MAGI2: variants seen among roughly 807,000 people sequenced by gnomAD.
MAGI2 encodes membrane associated guanylate kinase, WW and PDZ domain containing 2, also known as membrane-associated guanylate kinase, WW and PDZ domain-containing protein 2.
A neutral mutation model predicts 133.3 loss-of-function variants in MAGI2; 35 were observed. That is an observed-to-expected ratio of 0.26 (90% CI 0.20 to 0.35). The LOEUF (loss-of-function observed/expected upper bound fraction) is 0.35. Ranked by LOEUF, MAGI2 falls within the 10% of genes least tolerant of loss-of-function variation. MAGI2 has a pLI of 1.00. For missense variants in MAGI2, 1,636 were observed against 1,863.4 expected (o/e 0.88, Z 2.25); for synonymous variants, 729 against 710.6 (o/e 1.03, Z -0.41).
chr7:78,868,200 T>A (rs573851105), intron 2 of MAGI2, among the ~76,000 whole-genome samples: 1 of 151,424 alleles, frequency 6.6e-6, no homozygotes, highest in East Asian at 1.9e-4. Flanking sequence ...CATACTTAAT[T>A]AAGAATGAGT....
At chr7:78,996,618 T>C (rs960880924) in intron 2 of MAGI2, among the ~76,000 whole-genome samples, 3 of 152,140 alleles carry the variant, frequency 2.0e-5, no homozygotes, top group Non-Finnish European at 2.9e-5. Flanking sequence ...TGATACAAGT[T>C]TACTTATGTA....
At chr7:78,730,675 T>C (rs1158578749) in intron 2 of MAGI2, among the ~76,000 whole-genome samples, 1 of 152,168 alleles carries the variant, frequency 6.6e-6, no homozygotes, top group East Asian at 1.9e-4. Context: ...TAGAGTTGAC[T>C]TTTAAGGCAA....
At chr7:78,031,126 T>G (rs1488078918) in intron 21 of MAGI2, among the ~76,000 whole-genome samples, 1 of 152,214 alleles carries the variant, frequency 6.6e-6, no homozygotes, top group Non-Finnish European at 1.5e-5. Flanking sequence ...TGACATACTG[T>G]GTGATTCCAT....
intron 2 of MAGI2, among the ~76,000 whole-genome samples, chr7:78,929,266 C>T (rs956714514): frequency 6.6e-6 from 1 of 151,906 alleles, no homozygotes; most frequent in Non-Finnish European, 1.5e-5. Flanking sequence ...ACTTTTAAAC[C>T]TTGAATTTAA....
chr7:78,996,369 C>A (rs538274596), intron 2 of MAGI2, among the ~76,000 whole-genome samples: 7 of 152,204 alleles, frequency 4.6e-5, no homozygotes, highest in South Asian at 4.1e-4. Context: ...CTGAGATATA[C>A]CTTGATGTTT....
intron 2 of MAGI2, among the ~76,000 whole-genome samples, chr7:78,866,538 G>C (rs1304055550): frequency 6.6e-6 from 1 of 151,916 alleles, no homozygotes; most frequent in Non-Finnish European, 1.5e-5. Context: ...ACACTAGTTT[G>C]TGAGTCCCAG....
At chr7:78,691,381 A>C (rs983601971) in intron 2 of MAGI2, among the ~76,000 whole-genome samples, 3 of 152,196 alleles carry the variant, frequency 2.0e-5, no homozygotes, top group African/African-American at 7.2e-5. Flanking sequence ...TCTGGCATGC[A>C]GTGGACATCT....
intron 3 of MAGI2, among the ~76,000 whole-genome samples, chr7:78,626,605 G>A (rs572805878): frequency 5.3e-5 from 8 of 152,226 alleles, no homozygotes; most frequent in African/African-American, 1.9e-4. Flanking sequence ...TTGTGGTAGA[G>A]CTTTGGAGTT....
At chr7:78,462,979 G>A (rs914457599) in intron 6 of MAGI2, among the ~76,000 whole-genome samples, 1 of 152,218 alleles carries the variant, frequency 6.6e-6, no homozygotes, top group African/African-American at 2.4e-5. Context: ...GAAACAGGTG[G>A]ATTTAAAACC....
intron 16 of MAGI2, 73 bp downstream of exon 16, chr7:78,159,952 T>C (rs1322928355): frequency 6.7e-7 from 1 of 1,491,226 alleles, no homozygotes; most frequent in Non-Finnish European, 8.9e-7. Context: ...GATATACTTG[T>C]CCGGTATCTG....
chr7:79,007,153 C>G lies in MAGI2; in HGVS notation c.355G>C (p.Gly119Arg). The change falls in exon 2 of 22, where the codon GGT becomes CGT. Residue 119 changes from glycine to arginine, a missense_variant. Gly to Arg is a moderately radical substitution (Grantham distance 125). Coordinates refer to ENST00000354212, the MANE Select transcript of MAGI2 (RefSeq NM_012301.4). ...RHYLNLRFQK[G>R]SVDHELQQII... ...TGCTGAAGCTCATGGTCCACAGAAC[C>G]CTTTTGAAATCGTAAGTTGAGGTAG... 1.2e-6 allele frequency: 2 copies of G among 1,613,444 alleles called. No homozygotes were observed. Among genetic ancestry groups the G allele is most frequent in the Non-Finnish European group, 1.7e-6 (2 of 1,179,686 alleles).
At chr7:79,093,621 T>C (rs1254292171) in intron 1 of MAGI2, among the ~76,000 whole-genome samples, 2 of 152,096 alleles carry the variant, frequency 1.3e-5, no homozygotes, top group Non-Finnish European at 2.9e-5. Flanking sequence ...TCAACTTCCA[T>C]GGCTGATAAG....
chr7:78,952,682 C>A lies in MAGI2; in HGVS notation c.418+54408G>T, dbSNP rs541670769. 9.2e-5 allele frequency among the ~76,000 whole-genome samples: 14 copies of A among 152,276 alleles called. No individual in the cohort carries two copies. The South Asian group carries it at 2.5e-3, about 27-fold the overall frequency. ...AAAAGACTCATGAAATTGCTTTTGG[C>A]AAATCCTTCAGCTACCTAGAAAATT... On this transcript the variant is annotated intron_variant, in intron 2 of 21. Transcript: ENST00000354212.
intron 1 of MAGI2, among the ~76,000 whole-genome samples, chr7:79,347,155 G>A (rs1286094586): frequency 4.6e-5 from 7 of 151,868 alleles, no homozygotes; most frequent in Non-Finnish European, 1.0e-4. Flanking sequence ...ATTTTACAAG[G>A]AGCCTGTTCC....
chr7:79,402,546 A>T (rs1052915625), intron 1 of MAGI2, among the ~76,000 whole-genome samples: 2 of 152,240 alleles, frequency 1.3e-5, no homozygotes, highest in African/African-American at 4.8e-5. Flanking sequence ...TCAATGTCAC[A>T]CAGCCATTGG....
intron 2 of MAGI2, among the ~76,000 whole-genome samples, chr7:78,637,061 A>G (rs1809742169): frequency 6.6e-6 from 1 of 152,180 alleles, no homozygotes; most frequent in Admixed American, 6.5e-5. Context: ...CCCAAAATAA[A>G]AACAGTGTTA....
intron 1 of MAGI2, among the ~76,000 whole-genome samples, chr7:79,331,736 A>G (rs889124303): frequency 6.5e-4 from 99 of 152,282 alleles, no homozygotes; most frequent in African/African-American, 2.3e-3. Flanking sequence ...CGTTTTCTTC[A>G]GTATTCTCCT....
intron 1 of MAGI2, among the ~76,000 whole-genome samples, chr7:79,176,019 A>G (rs1376026550): frequency 1.3e-5 from 2 of 152,102 alleles, no homozygotes; most frequent in Non-Finnish European, 2.9e-5. Flanking sequence ...GAAGGAGCTA[A>G]CACAGACCTG....
chr7:78,843,387 G>A (rs1481418861), intron 2 of MAGI2, among the ~76,000 whole-genome samples: 3 of 151,558 alleles, frequency 2.0e-5, no homozygotes, highest in Non-Finnish European at 4.4e-5. Flanking sequence ...TTCTTTTTTT[G>A]AAAATGACTC....
Sources: gnomAD v4.1 joint callset for allele counts (sites outside exome capture counted in the v4.1 genomes callset) on GRCh38, gnomAD v4.1.1 for gene constraint, MANE v1.5 for transcripts, NCBI Gene and HGNC (gene_info 2026-07-23, HGNC 2026-07-21) for gene names.